Variants in SLC25A26 observed in about 807,000 individuals in gnomAD.
The protein encoded by SLC25A26 is solute carrier family 25 member 26, also known as mitochondrial S-adenosylmethionine carrier protein.
SLC25A26 carries 36 observed loss-of-function variants against 37.8 expected under a neutral mutation model. That is an observed-to-expected ratio of 0.95 (90% CI 0.73 to 1.26). SLC25A26 has a LOEUF of 1.26. Ranked by LOEUF, SLC25A26 falls within the 50% of genes most tolerant of loss-of-function variation. SLC25A26 has a pLI of 0.00. For missense variants in SLC25A26, 390 were observed against 331.1 expected, an observed-to-expected ratio of 1.18 and a Z score of -1.38; for synonymous variants, 129 against 122.5, an observed-to-expected ratio of 1.05 and a Z score of -0.35.
chr3:66,260,942 C>A (rs969997916), intron 3 of SLC25A26, among the ~76,000 whole-genome samples: 1 of 152,190 alleles, frequency 6.6e-6, no homozygotes, highest in Non-Finnish European at 1.5e-5. Context: ...TAATTTTGGA[C>A]AGGCAAAGCC....
chr3:66,331,499 A>G (rs2075973165), intron 5 of SLC25A26, among the ~76,000 whole-genome samples: 1 of 151,774 alleles, frequency 6.6e-6, no homozygotes, highest in Admixed American at 6.6e-5. Context: ...ATTTTGTTTT[A>G]TGTGTGTGTG....
intron 1 of SLC25A26, among the ~76,000 whole-genome samples, chr3:66,200,017 T>G (rs2071089035): frequency 6.6e-6 from 1 of 152,250 alleles, no homozygotes; most frequent in African/African-American, 2.4e-5. Flanking sequence ...TTCAGAATTA[T>G]GGACATTTAC....
At chr3:66,350,913 A>T (rs2076438966) in intron 6 of SLC25A26, among the ~76,000 whole-genome samples, 1 of 152,104 alleles carries the variant, frequency 6.6e-6, no homozygotes, top group Non-Finnish European at 1.5e-5. Context: ...AAGTCTTCTA[A>T]TGAAGGCCTT....
chr3:66,234,185 TG>T (rs781946731), intron 1 of SLC25A26, among the ~76,000 whole-genome samples: 4 of 152,190 alleles, frequency 2.6e-5, no homozygotes, highest in Non-Finnish European at 4.4e-5. Context: ...CTCAAATTCC[TG>T]GGCTCAAGCG....
At chr3:66,219,668 G>A (rs1359322579), upstream of SLC25A26, among the ~76,000 whole-genome samples, 1 of 152,080 alleles carries the variant, frequency 6.6e-6, no homozygotes, top group African/African-American at 2.4e-5. Flanking sequence ...AGAGTGACAG[G>A]AGACACCAGC....
intron 7 of SLC25A26, 64 bp from the exon 8 acceptor site, chr3:66,369,414 C>G (rs1354452971): frequency 1.4e-6 from 2 of 1,443,764 alleles, no homozygotes; most frequent in Non-Finnish European, 1.9e-6. Flanking sequence ...GTCAGGAATT[C>G]TAAAAATTAC....
chr3:66,259,801 T>G (rs1054860653), intron 3 of SLC25A26, among the ~76,000 whole-genome samples: 1 of 152,170 alleles, frequency 6.6e-6, no homozygotes, highest in African/African-American at 2.4e-5. Context: ...GTCATTCCTC[T>G]GCTTCAGCTT....
intron 6 of SLC25A26, among the ~76,000 whole-genome samples, chr3:66,348,694 G>C (rs2076382788): frequency 6.6e-6 from 1 of 152,206 alleles, no homozygotes; most frequent in Non-Finnish European, 1.5e-5. Context: ...AGTAAATTAT[G>C]AGATGTTAAG....
intron 5 of SLC25A26, among the ~76,000 whole-genome samples, chr3:66,304,734 T>C (rs782744): frequency 0.069 from 10,447 of 152,254 alleles, 457 homozygotes; most frequent in African/African-American, 0.13. Context: ...TTAACCACCA[T>C]GTGGGTGGAA....
In SLC25A26 at chr3:66,139,839, T is replaced by A. The variant is rs148156214; in HGVS notation, c.-354+5855T>A. On this transcript the variant is annotated intron_variant, in intron 1 of 10. Transcript: ENST00000676754. Reference sequence around the variant, plus strand: ...ATTGCAGGCAGTAATGCAGACTAGATGAAAAGATAAGGGAATTATTGAATG... The same window carrying A: ...ATTGCAGGCAGTAATGCAGACTAGAAGAAAAGATAAGGGAATTATTGAATG... Among the ~76,000 whole-genome samples, 815 of 152,224 alleles carry A rather than the reference T, an allele frequency of 5.4e-3. 3 individuals are homozygous for A. Among genetic ancestry groups the A allele is most frequent in the Non-Finnish European group, 9.7e-3 (662 of 68,012 alleles).
intron 5 of SLC25A26, among the ~76,000 whole-genome samples, chr3:66,331,439 C>G (rs1183535313): frequency 1.3e-5 from 2 of 152,076 alleles, no homozygotes; most frequent in Non-Finnish European, 2.9e-5. Context: ...GTCATTTTAA[C>G]CTTTTAAATC....
rs332354 is a variant in SLC25A26 at position 66,346,421 on chromosome 3, G to A, written c.498+13G>A. 602,290 of 1,398,302 alleles carry A rather than the reference G, an allele frequency of 0.43. 139,094 individuals carry two copies. Among genetic ancestry groups the A allele is most frequent in the African/African-American group, 0.79 (52,969 of 66,862 alleles). 86.6% of individuals were successfully genotyped at this position (1,398,302 alleles called of 1,614,324 possible). On this transcript the variant is annotated intron_variant, in intron 6 of 9. Coordinates refer to ENST00000354883, the MANE Select transcript of SLC25A26 (RefSeq NM_001379210.1). Reference sequence around the variant, plus strand: ...GGAGTCCTTAAAAGTAAGTTTCTCAGTCTTCACATAAAATTTGTCTCTAAT... The same window carrying A: ...GGAGTCCTTAAAAGTAAGTTTCTCAATCTTCACATAAAATTTGTCTCTAAT...
chr3:66,317,475 C>G (rs2075571267), intron 5 of SLC25A26, among the ~76,000 whole-genome samples: 1 of 152,182 alleles, frequency 6.6e-6, no homozygotes, highest in Admixed American at 6.5e-5. Context: ...AGATGGCAGC[C>G]TGCTCCTTTC....
chr3:66,162,111 C>T (rs998881349), intron 1 of SLC25A26, among the ~76,000 whole-genome samples: 2 of 152,138 alleles, frequency 1.3e-5, no homozygotes, highest in African/African-American at 4.8e-5. Flanking sequence ...CCTAAGGCCT[C>T]TTACCTTGCC....
At chr3:66,346,216 TC>T (rs1429306959) in intron 5 of SLC25A26, 147 bp from the exon 6 acceptor site, 1 of 452,362 alleles carries the variant, frequency 2.2e-6, no homozygotes, top group Non-Finnish European at 3.9e-6. Context: ...TAACTCTTTT[TC>T]TAAACATTAT....
chr3:66,265,473 C>T (rs1173819871), intron 5 of SLC25A26, among the ~76,000 whole-genome samples: 3 of 152,174 alleles, frequency 2.0e-5, no homozygotes, highest in Admixed American at 2.0e-4. Flanking sequence ...AAAGAAAATA[C>T]AAGTGAGAAC....
chr3:66,154,643 A>T (rs1380400630), intron 1 of SLC25A26, among the ~76,000 whole-genome samples: 1 of 147,124 alleles, frequency 6.8e-6, no homozygotes, highest in East Asian at 2.0e-4. Context: ...CACCATGCCT[A>T]GTTAATTTTT....
At chr3:66,204,037 C>T (rs1172764030) in intron 1 of SLC25A26, among the ~76,000 whole-genome samples, 1 of 152,086 alleles carries the variant, frequency 6.6e-6, no homozygotes, top group Non-Finnish European at 1.5e-5. Flanking sequence ...ACCTTCTTCC[C>T]CTAGGCATGA....
chr3:66,354,018 A>G (rs1217476282), intron 6 of SLC25A26, among the ~76,000 whole-genome samples: 1 of 152,168 alleles, frequency 6.6e-6, no homozygotes, highest in African/African-American at 2.4e-5. Flanking sequence ...TAACTGTTTT[A>G]TTTGTACATT....
Sources: gnomAD v4.1 joint callset for allele counts (sites outside exome capture counted in the v4.1 genomes callset) on GRCh38, gnomAD v4.1.1 for gene constraint, MANE v1.5 for transcripts, NCBI Gene and HGNC (gene_info 2026-07-23, HGNC 2026-07-21) for gene names.